DIAPH2: variants seen among roughly 807,000 people sequenced by gnomAD.
DIAPH2 encodes the protein protein diaphanous homolog 2.
In DIAPH2, 35 loss-of-function variants were observed where a neutral mutation model predicts 92.7. That is an observed-to-expected ratio of 0.38 (90% CI 0.29 to 0.50). The LOEUF is 0.50. Ranked by LOEUF, DIAPH2 falls within the 20% of genes least tolerant of loss-of-function variation. The pLI is 0.94. For missense variants in DIAPH2, 701 were observed against 819.5 expected (o/e 0.86, Z 1.77); for synonymous variants, 301 against 280.4 (o/e 1.07, Z -0.73).
In DIAPH2 at chrX:97,600,767, A is replaced by C. The variant is rs1217505637; in HGVS notation, c.*1450A>C. ...TAGAAAATACTGTTTCTACTCATTCAAAGCACATTGTAGATATTCAGAGAG... is the reference window on the plus strand; with the variant it reads ...TAGAAAATACTGTTTCTACTCATTCCAAGCACATTGTAGATATTCAGAGAG... On this transcript the variant is annotated 3_prime_UTR_variant, in exon 27 of 27. Coordinates refer to ENST00000324765, the MANE Select transcript of DIAPH2 (RefSeq NM_006729.5). 3 of 111,943 alleles carry C rather than the reference A, an allele frequency of 2.7e-5. No individual in the cohort carries two copies. The highest frequency in any genetic ancestry group is 7.4e-4 in the South Asian group (2 of 2,685). 9.2% of individuals were successfully genotyped at this position (111,943 alleles called of 1,213,427 possible). A position where few individuals can be genotyped will look rare whatever the true frequency, so the allele number is the denominator to read the frequency against.
intron 26 of DIAPH2, among the ~76,000 whole-genome samples, chrX:97,509,971 G>T (rs1319448257): frequency 5.4e-5 from 6 of 110,712 alleles, no homozygotes; most frequent in Admixed American, 3.8e-4. Context: ...ATAAACATAC[G>T]TGTGCATGTG....
At chrX:97,381,548 T>C (rs1407338695) in intron 24 of DIAPH2, among the ~76,000 whole-genome samples, 1 of 111,908 alleles carries the variant, frequency 8.9e-6, no homozygotes, top group Non-Finnish European at 1.9e-5. Context: ...CTAACAAAAG[T>C]ATTCACAGTT....
chrX:97,389,829 G>C (rs73632886), intron 25 of DIAPH2, among the ~76,000 whole-genome samples: 9,925 of 109,848 alleles, frequency 0.09, 811 homozygotes, highest in African/African-American at 0.26. Flanking sequence ...CGGAGAGTAG[G>C]GGGCTGGAAA....
intron 16 of DIAPH2, among the ~76,000 whole-genome samples, chrX:96,962,362 TATACACATATATATATAC>T (rs1569436533): frequency 9.8e-5 from 7 of 71,112 alleles, no homozygotes; most frequent in African/African-American, 3.5e-4. Context: ...CACATATATA[TATACACATATATATATAC>T]ACATATATAT....
In DIAPH2 at chrX:97,599,314, G is replaced by C; in HGVS notation, c.3303G>C (p.Lys1101Asn). Residue 1101 changes from lysine to asparagine, a missense_variant, in exon 27 of 27, where the codon AAG becomes AAC. By Grantham distance (94) the Lys-to-Asn change is moderately conservative (BLOSUM62 0). This residue lies in a region of DIAPH2 where 536 missense variants were observed against 599.3 expected (regional missense o/e 0.89). Coordinates refer to ENST00000324765, the MANE Select transcript of DIAPH2 (RefSeq NM_006729.5). ...RSRHNGAISSK is the reference protein window; with the variant it reads ...RSRHNGAISSN ...GCCACAATGGAGCTATCTCATCTAA[G>C]TGATTCCTGATGCCAAAGAATATGA... is the stretch of plus-strand genomic sequence containing the variant. 8.5e-7 allele frequency: 1 copy of C among 1,172,174 alleles called. No homozygotes were observed.
intron 26 of DIAPH2, among the ~76,000 whole-genome samples, chrX:97,552,697 T>C (rs2147864116): frequency 9.0e-6 from 1 of 111,695 alleles, no homozygotes; most frequent in Admixed American, 9.5e-5. Context: ...TGTTCCTATA[T>C]GAACAACCCA....
intron 22 of DIAPH2, among the ~76,000 whole-genome samples, chrX:97,157,936 A>C (rs1286520120): frequency 8.9e-6 from 1 of 112,286 alleles, no homozygotes; most frequent in Admixed American, 9.5e-5. Context: ...ATGCTTGTGG[A>C]GTTCAAATAT....
At chrX:96,939,488 G>GTGTGTA (rs1413144388) in intron 12 of DIAPH2, 106 bp downstream of exon 12, 3 of 108,806 alleles carry the variant, frequency 2.8e-5, no homozygotes, top group African/African-American at 1.0e-4. Context: ...GTGTGTGTAT[G>GTGTGTA]TATATATATA....
intron 13 of DIAPH2, 135 bp from the exon 14 acceptor site, chrX:96,945,392 G>A: frequency 2.2e-6 from 1 of 449,996 alleles, no homozygotes; most frequent in Non-Finnish European, 3.8e-6. Context: ...TTTATGTATA[G>A]TATAGGTCAA....
intron 26 of DIAPH2, chrX:97,555,281 T>C (rs1407913382): frequency 7.8e-6 from 1 of 127,876 alleles, no homozygotes; most frequent in African/African-American, 3.2e-5. Flanking sequence ...TTCATTATGG[T>C]GATAACTTTA....
At chrX:96,850,529 A>G (rs1033540233) in intron 4 of DIAPH2, among the ~76,000 whole-genome samples, 1 of 112,215 alleles carries the variant, frequency 8.9e-6, no homozygotes, top group African/African-American at 3.2e-5. Context: ...GTCCATTCTC[A>G]TAACCATTAT....
intron 23 of DIAPH2, among the ~76,000 whole-genome samples, chrX:97,334,806 C>T (rs2069038087): frequency 9.4e-6 from 1 of 106,817 alleles, no homozygotes; most frequent in Non-Finnish European, 1.9e-5. Flanking sequence ...CATAGTGAAA[C>T]GCCGTCTCTA....
intron 4 of DIAPH2, among the ~76,000 whole-genome samples, chrX:96,815,492 C>T (rs775041117): frequency 7.1e-5 from 8 of 111,986 alleles, no homozygotes; most frequent in Non-Finnish European, 1.3e-4. Context: ...CCAGGTGAGG[C>T]GATGTCCCGC....
chrX:97,359,971 T>G (rs2069308761), intron 24 of DIAPH2, among the ~76,000 whole-genome samples: 1 of 111,780 alleles, frequency 8.9e-6, no homozygotes, highest in African/African-American at 3.3e-5. Flanking sequence ...TATTCAGAAT[T>G]TCCTGACATT....
intron 21 of DIAPH2, among the ~76,000 whole-genome samples, chrX:97,127,169 A>G (rs1270669835): frequency 9.7e-6 from 1 of 102,892 alleles, no homozygotes; most frequent in African/African-American, 4.3e-5. Flanking sequence ...AAAGTCAAAT[A>G]ATTTCCTTTT....
intron 26 of DIAPH2, among the ~76,000 whole-genome samples, chrX:97,468,076 C>CT (rs1418272269): frequency 5.4e-5 from 6 of 111,813 alleles, no homozygotes. Flanking sequence ...CAGGGGAATA[C>CT]TTTTTTAAAA....
intron 26 of DIAPH2, among the ~76,000 whole-genome samples, chrX:97,596,255 AC>A (rs1302283241): frequency 9.0e-6 from 1 of 111,605 alleles, no homozygotes; most frequent in Non-Finnish European, 1.9e-5. Flanking sequence ...AAATCATGTT[AC>A]CCCATCCTCC....
At chrX:97,411,700 A>ATG (rs2069875811) in intron 25 of DIAPH2, among the ~76,000 whole-genome samples, 2 of 111,949 alleles carry the variant, frequency 1.8e-5, no homozygotes, top group Non-Finnish European at 3.8e-5. Flanking sequence ...ATAAAGGGAC[A>ATG]GAGGAAGATC....
intron 22 of DIAPH2, among the ~76,000 whole-genome samples, chrX:97,161,239 TTTCTC>T (rs1228289072): frequency 2.7e-5 from 3 of 109,945 alleles, no homozygotes; most frequent in Non-Finnish European, 5.7e-5. Flanking sequence ...GAGCCTTACT[TTTCTC>T]TTCCTTATGA....
Sources: allele counts gnomAD v4.1 joint callset (sites outside exome capture counted in the v4.1 genomes callset), GRCh38; gene constraint gnomAD v4.1.1; regional missense constraint gnomAD v4.1.1; transcripts MANE v1.5; gene names NCBI Gene and HGNC (gene_info 2026-07-23, HGNC 2026-07-21).